Variants in SLC26A8 observed in about 807,000 individuals in gnomAD.
SLC26A8 encodes testis anion transporter 1.
In SLC26A8, 70 loss-of-function variants were observed where a neutral mutation model predicts 105.0. The ratio of observed to expected loss-of-function variants is 0.67; its 90% CI spans 0.55 to 0.81. The LOEUF is 0.81. Among genes scored for constraint, SLC26A8 ranks in the 40% least tolerant of loss-of-function variants. The pLI is 0.00. For missense variants in SLC26A8, 998 were observed against 1,181.8 expected, an observed-to-expected ratio of 0.84 and a Z score of 2.28; for synonymous variants, 415 against 438.3, an observed-to-expected ratio of 0.95 and a Z score of 0.66.
intron 11 of SLC26A8, among the ~76,000 whole-genome samples, chr6:35,967,466 A>G (rs1772561945): frequency 3.9e-5 from 6 of 152,254 alleles, no homozygotes; most frequent in Admixed American, 3.9e-4. Context: ...TAAGAAGAGA[A>G]GGATTATAGC....
At chr6:35,955,649 T>A in intron 16 of SLC26A8, 129 bp from the exon 17 acceptor site, 1 of 1,199,364 alleles carries the variant, frequency 8.3e-7, no homozygotes, top group Non-Finnish European at 1.2e-6. Context: ...CGAGAGTAGG[T>A]ACTGTGCATT....
In SLC26A8 at chr6:35,981,110, A is replaced by G. The variant is rs1406844857; in HGVS notation, c.1025+1011T>C. ...ATTATACAACGTGAGGAAATGGGCAATGCTCTTCAAAAGCCTCTCTGTGAG... is the reference window on the plus strand; with the variant it reads ...ATTATACAACGTGAGGAAATGGGCAGTGCTCTTCAAAAGCCTCTCTGTGAG... On this transcript the variant is annotated intron_variant, in intron 8 of 19. Coordinates refer to ENST00000490799, the MANE Select transcript of SLC26A8 (RefSeq NM_052961.4). The surrounding 1 kb of genome is among the most constrained non-coding windows in gnomAD (Gnocchi z 4.0). Among the ~76,000 whole-genome samples, 1 of 152,170 alleles carries G rather than the reference A, an allele frequency of 6.6e-6. No individual in the cohort carries two copies. The highest frequency in any genetic ancestry group is 2.4e-5 in the African/African-American group (1 of 41,448).
intron 3 of SLC26A8, among the ~76,000 whole-genome samples, chr6:36,007,843 G>A (rs1234448036): frequency 1.3e-5 from 2 of 152,164 alleles, no homozygotes; most frequent in Non-Finnish European, 2.9e-5. Flanking sequence ...TGTTGAGGCT[G>A]GGCGCGGTGG....
At chr6:35,969,945 A>G (rs1359120232) in intron 10 of SLC26A8, 2 of 152,220 alleles carry the variant, frequency 1.3e-5, no homozygotes, top group Non-Finnish European at 2.9e-5. Context: ...TGTCAAAATA[A>G]AGGTGGAAAA....
At chr6:35,996,957 C>G (rs1761371495) in intron 5 of SLC26A8, among the ~76,000 whole-genome samples, 2 of 151,856 alleles carry the variant, frequency 1.3e-5, no homozygotes, top group Non-Finnish European at 2.9e-5. Context: ...ATCACTTGAA[C>G]CTGGGAGGCG....
chr6:35,977,414 T>C, intron 8 of SLC26A8, 63 bp from the exon 9 acceptor site: 1 of 1,510,144 alleles, frequency 6.6e-7, no homozygotes, highest in African/African-American at 1.4e-5. Context: ...CCTCCGCCAC[T>C]CTATTCTAAC....
chr6:36,024,528 T>A lies in SLC26A8; in HGVS notation c.-27A>T, dbSNP rs896666288. 1 of 427,248 alleles carries A rather than the reference T, an allele frequency of 2.3e-6. No homozygotes were observed. The highest frequency in any genetic ancestry group is 4.6e-6 in the Non-Finnish European group (1 of 215,348). The allele number at this position is 427,248 out of a possible 1,614,324, so 26.5% of individuals were successfully genotyped here. ...CCTGGCTCCTTGGCGGGGGCGGGAG[T>A]GCGGGCGCTGGGATCCCACACGGCT... On this transcript the variant is annotated 5_prime_UTR_variant, in exon 1 of 20. Transcript: ENST00000490799.
chr6:36,004,795 C>T (rs1055301435), intron 3 of SLC26A8, among the ~76,000 whole-genome samples: 4 of 150,204 alleles, frequency 2.7e-5, no homozygotes, highest in African/African-American at 7.3e-5. Flanking sequence ...GGACTACAGG[C>T]GCTTGCACCA....
intron 6 of SLC26A8, 85 bp downstream of exon 6, chr6:35,992,425 G>A (rs953132429): frequency 1.9e-5 from 26 of 1,384,916 alleles, no homozygotes; most frequent in Middle Eastern, 2.0e-4. Context: ...CAGAAGGGGC[G>A]GGAGTCTCCC....
At chr6:35,985,447 C>A (rs1432702185) in intron 7 of SLC26A8, among the ~76,000 whole-genome samples, 15 of 152,126 alleles carry the variant, frequency 9.9e-5, no homozygotes, top group African/African-American at 3.1e-4. Context: ...GTAATCCCAG[C>A]ACTTTGGGAG....
At chr6:35,999,899 A>G (rs1024492766) in intron 4 of SLC26A8, 93 bp downstream of exon 4, 40 of 830,360 alleles carry the variant, frequency 4.8e-5, no homozygotes, top group Non-Finnish European at 6.4e-5. Flanking sequence ...CTTTCTTTCT[A>G]TCTTAAAGCT....
chr6:36,002,711 C>CTTTT (rs34341096), intron 3 of SLC26A8, among the ~76,000 whole-genome samples: 1 of 144,706 alleles, frequency 6.9e-6, no homozygotes, highest in Non-Finnish European at 1.5e-5. Flanking sequence ...GCTTTTCAAT[C>CTTTT]TTTTTTTTTT....
At chr6:36,008,846 C>T (rs1319702790) in intron 3 of SLC26A8, among the ~76,000 whole-genome samples, 1 of 152,018 alleles carries the variant, frequency 6.6e-6, no homozygotes, top group East Asian at 1.9e-4. Flanking sequence ...ATCAGAATAG[C>T]TAAAATAAAA....
chr6:35,993,215 G>A (rs1376924911), intron 5 of SLC26A8, among the ~76,000 whole-genome samples: 1 of 142,428 alleles, frequency 7.0e-6, no homozygotes, highest in African/African-American at 2.7e-5. Flanking sequence ...ATATTACCTA[G>A]GCTGGTCTCG....
At position 36,005,240 on chromosome 6, in the gene SLC26A8, C is replaced by T. The variant is rs553252958; in HGVS notation, c.329-5132G>A. Among the ~76,000 whole-genome samples the T allele has an allele frequency of 4.6e-5, 7 of 152,234 alleles. No homozygotes were observed. In the East Asian group the frequency reaches 1.4e-3, roughly 29 times the overall value. On this transcript the variant is annotated intron_variant, in intron 3 of 19. Coordinates refer to ENST00000490799, the MANE Select transcript of SLC26A8 (RefSeq NM_052961.4). ...CAGTTTCCATATATCCCTTCCACAG[C>T]TTCTCCTAATGTTAATATTTTATAT...
At chr6:35,959,273 T>C (rs1399479988) in intron 16 of SLC26A8, among the ~76,000 whole-genome samples, 187 bp downstream of exon 16, 2 of 152,108 alleles carry the variant, frequency 1.3e-5, no homozygotes, top group Non-Finnish European at 2.9e-5. Context: ...AGGGGGAATC[T>C]TGTGCCTTTT....
intron 3 of SLC26A8, among the ~76,000 whole-genome samples, chr6:36,002,434 C>G (rs1761550510): frequency 1.3e-5 from 2 of 152,156 alleles, no homozygotes; most frequent in African/African-American, 4.8e-5. Context: ...TAGTGCCAAA[C>G]TGTTTTCCAA....
chr6:35,950,298 T>TC (rs1265364999), intron 19 of SLC26A8, among the ~76,000 whole-genome samples: 4 of 151,234 alleles, frequency 2.6e-5, no homozygotes, highest in African/African-American at 7.3e-5. Flanking sequence ...TCTCAGTATT[T>TC]TTTTTTTTTT....
intron 5 of SLC26A8, among the ~76,000 whole-genome samples, chr6:35,994,287 T>C (rs897278577): frequency 4.6e-5 from 7 of 151,200 alleles, no homozygotes; most frequent in Admixed American, 6.6e-5. Flanking sequence ...GCTAATTTTT[T>C]GTATTTTTAG....
Sources: gnomAD v4.1 joint callset for allele counts (sites outside exome capture counted in the v4.1 genomes callset) on GRCh38, gnomAD v4.1.1 for gene constraint, Gnocchi (gnomAD v3.1) non-coding constraint, MANE v1.5 for transcripts, NCBI Gene and HGNC (gene_info 2026-07-23, HGNC 2026-07-21) for gene names.